Variants in GPM6A observed in about 807,000 individuals in gnomAD.
The protein encoded by GPM6A is glycoprotein M6A, also known as neuronal membrane glycoprotein M6-a.
In GPM6A, 7 loss-of-function variants were observed where a neutral mutation model predicts 32.1. The observed-to-expected ratio is 0.22, with a 90% CI of 0.12 to 0.41. The LOEUF (loss-of-function observed/expected upper bound fraction) is 0.41. GPM6A is among the 10% of genes least tolerant of loss of function. The pLI, the probability that GPM6A is intolerant of heterozygous loss-of-function variation, is 1.00. For synonymous variants in GPM6A, 130 were observed against 123.4 expected, an observed-to-expected ratio of 1.05 and a Z score of -0.35; for missense variants, 235 against 347.2, an observed-to-expected ratio of 0.68 and a Z score of 2.57.
At chr4:175,790,992 T>C (rs1205284315) in intron 1 of GPM6A, among the ~76,000 whole-genome samples, 1 of 151,970 alleles carries the variant, frequency 6.6e-6, no homozygotes, top group East Asian at 1.9e-4. Context: ...GTTGTGTGTA[T>C]GAGAGAGAGA....
chr4:175,652,144 A>ATAG (rs1348087674), intron 3 of GPM6A, among the ~76,000 whole-genome samples, 157 bp from the exon 4 acceptor site: 17 of 152,214 alleles, frequency 1.1e-4, no homozygotes, highest in Admixed American at 7.2e-4. Context: ...AGGTTGAGAA[A>ATAG]TAGTGCGCAT....
chr4:175,662,430 T>A (rs1742480413), intron 3 of GPM6A, among the ~76,000 whole-genome samples: 1 of 152,010 alleles, frequency 6.6e-6, no homozygotes, highest in African/African-American at 2.4e-5. Flanking sequence ...TGAAACCCCA[T>A]CTCTACTTAA....
At chr4:175,738,659 T>A (rs973282724) in intron 1 of GPM6A, among the ~76,000 whole-genome samples, 14 of 151,772 alleles carry the variant, frequency 9.2e-5, no homozygotes, top group South Asian at 2.1e-4. Context: ...TGAAAAAAAA[T>A]TTTTATAGAA....
At chr4:175,919,376 C>T (rs1003816843) in intron 1 of GPM6A, among the ~76,000 whole-genome samples, 6 of 152,046 alleles carry the variant, frequency 3.9e-5, no homozygotes, top group South Asian at 2.1e-4. Context: ...GCAAGATCCC[C>T]GGCCAAAAAA....
chr4:175,633,577 G>C lies in GPM6A; in HGVS notation c.*1328C>G, dbSNP rs868261184. On this transcript the variant is annotated 3_prime_UTR_variant, in exon 7 of 7. Transcript: ENST00000393658. ...TGTCTTGTCAGGCTACATCATTTTAGAAGACACTTTACAGCATTCTTGTAG... is the reference window on the plus strand; with the variant it reads ...TGTCTTGTCAGGCTACATCATTTTACAAGACACTTTACAGCATTCTTGTAG... The C allele has an allele frequency of 3.3e-5, 5 of 152,440 alleles. No homozygotes were observed. The highest frequency in any genetic ancestry group is 1.2e-4 in the African/African-American group (5 of 41,416). The allele number at this position is 152,440 out of a possible 1,614,324, so 9.4% of individuals were successfully genotyped here. A position where few individuals can be genotyped will look rare whatever the true frequency, so the allele number is the denominator to read the frequency against.
In GPM6A at chr4:175,633,933, G is replaced by A. The variant is rs1254593502; in HGVS notation, c.*972C>T. The A allele has an allele frequency of 6.6e-6, 1 of 152,468 alleles. No individual in the cohort carries two copies. The highest frequency in any genetic ancestry group is 1.5e-5 in the Non-Finnish European group (1 of 67,948). 9.4% of individuals were successfully genotyped at this position (152,468 alleles called of 1,614,324 possible). ...CACATTTTAGGAATAGTTTACAGAGGTGCAATCCATTAAAACTTTTAAAGT... is the reference window on the plus strand; with the variant it reads ...CACATTTTAGGAATAGTTTACAGAGATGCAATCCATTAAAACTTTTAAAGT... On this transcript the variant is annotated 3_prime_UTR_variant, in exon 7 of 7. Transcript: ENST00000393658.
intron 1 of GPM6A, among the ~76,000 whole-genome samples, chr4:175,974,491 G>T (rs1477794445): frequency 6.6e-6 from 1 of 151,962 alleles, no homozygotes. Flanking sequence ...GAGTAGCTGG[G>T]ATTACAGGCG....
intron 1 of GPM6A, among the ~76,000 whole-genome samples, chr4:175,824,114 C>A (rs1302115030): frequency 6.6e-6 from 1 of 152,156 alleles, no homozygotes; most frequent in South Asian, 2.1e-4. Flanking sequence ...TCCAGAAACA[C>A]CCGGAAAACA....
In GPM6A at chr4:175,640,940, G is replaced by A. The variant is rs545480961; in HGVS notation, c.542-111C>T. The A allele has an allele frequency of 4.5e-6, 3 of 670,900 alleles. No individual in the cohort carries two copies. The South Asian group carries it at 5.1e-5, about 11-fold the overall frequency. The allele number at this position is 670,900 out of a possible 1,614,324, so 41.6% of individuals were successfully genotyped here. On this transcript the variant is annotated intron_variant, in intron 4 of 6. Transcript: ENST00000393658. ...CTAAGCAAGTTCCATTTTATCTTAT[G>A]TTATGTTACAGTGGAAAAATAATCT... is the stretch of plus-strand genomic sequence containing the variant.
intron 1 of GPM6A, among the ~76,000 whole-genome samples, chr4:175,838,812 C>T (rs934918352): frequency 6.6e-6 from 1 of 151,814 alleles, no homozygotes; most frequent in Admixed American, 6.6e-5. Flanking sequence ...CAACACCACA[C>T]CCGGCTAATT....
intron 3 of GPM6A, among the ~76,000 whole-genome samples, chr4:175,664,773 A>G (rs1360126019): frequency 2.0e-5 from 3 of 152,158 alleles, no homozygotes; most frequent in Non-Finnish European, 2.9e-5. Flanking sequence ...TTACTCACTA[A>G]TTTGTTAATA....
chr4:175,812,301 GTTTT>G, upstream of GPM6A: 6 of 793,064 alleles, frequency 7.6e-6, no homozygotes, highest in East Asian at 2.6e-4. Context: ...AAAACTGGGG[GTTTT>G]TTTTTTTTTT....
At position 175,696,564 on chromosome 4, in the gene GPM6A, A is replaced by G. The variant is rs116704187; in HGVS notation, c.230+5011T>C. 4.8e-3 allele frequency among the ~76,000 whole-genome samples: 731 copies of G among 152,318 alleles called. 9 individuals carry two copies. The highest frequency in any genetic ancestry group is 6.4e-3 in the Non-Finnish European group (432 of 68,030). ...TAGGAATTCAGTATGGTTTTCTAAC[A>G]TGAGTTCTAGTTATGACTTACATTA... On this transcript the variant is annotated intron_variant, in intron 2 of 6. Transcript: ENST00000393658.
At chr4:175,729,194 T>A (rs1731308567) in intron 1 of GPM6A, among the ~76,000 whole-genome samples, 1 of 152,216 alleles carries the variant, frequency 6.6e-6, no homozygotes, top group Non-Finnish European at 1.5e-5. Flanking sequence ...CTTAAGATAG[T>A]GACCACAAGT....
chr4:175,992,994 A>C (rs1741196959), intron 1 of GPM6A, among the ~76,000 whole-genome samples: 2 of 152,160 alleles, frequency 1.3e-5, no homozygotes, highest in Admixed American at 6.5e-5. Context: ...GGATTCTGCT[A>C]TTCCACGGCA....
At chr4:175,971,986 T>C (rs943050668) in intron 1 of GPM6A, 3 of 152,138 alleles carry the variant, frequency 2.0e-5, no homozygotes, top group African/African-American at 4.8e-5. Flanking sequence ...GAGTACATTG[T>C]TCTCCGCGGT....
In GPM6A at chr4:175,634,935, G is replaced by A. The variant is rs1170955922; in HGVS notation, c.807C>T (p.Arg269=). ...TGTATGCATTGAGCCGCTCTTTGGAGCGAGTAGAGTGGATGTCATGAAGCT... is the reference window on the plus strand; with the variant it reads ...TGTATGCATTGAGCCGCTCTTTGGAACGAGTAGAGTGGATGTCATGAAGCT... ...EQELHDIHST[R]SKERLNAYT The change falls in exon 7 of 7, where the codon CGC becomes CGT. Residue 269 remains arginine (R), a synonymous_variant. Coordinates refer to ENST00000393658, the MANE Select transcript of GPM6A (RefSeq NM_201591.3). The A allele has an allele frequency of 6.2e-7, 1 of 1,613,830 alleles. No homozygotes were observed. Among genetic ancestry groups the A allele is most frequent in the Non-Finnish European group, 8.5e-7 (1 of 1,179,770 alleles).
chr4:175,975,020 C>T (rs779307825), intron 1 of GPM6A, among the ~76,000 whole-genome samples: 2 of 152,128 alleles, frequency 1.3e-5, no homozygotes, highest in African/African-American at 2.4e-5. Context: ...TCAATTCCCT[C>T]AAGTCCATAA....
chr4:175,977,833 A>G (rs1352837405), intron 1 of GPM6A, among the ~76,000 whole-genome samples: 2 of 152,172 alleles, frequency 1.3e-5, no homozygotes, highest in Non-Finnish European at 2.9e-5. Flanking sequence ...GTTTATAATC[A>G]AATGGCAGAA....
Sources: gnomAD v4.1 joint callset for allele counts (sites outside exome capture counted in the v4.1 genomes callset) on GRCh38, gnomAD v4.1.1 for gene constraint, MANE v1.5 for transcripts, NCBI Gene and HGNC (gene_info 2026-07-23, HGNC 2026-07-21) for gene names.